The following EIF4ENIF1 variants were observed in gnomAD, a reference collection of about 807,000 sequenced individuals.
EIF4ENIF1 encodes eukaryotic translation initiation factor 4E nuclear import factor 1.
In EIF4ENIF1, 23 loss-of-function variants were observed where a neutral mutation model predicts 110.5. The ratio of observed to expected loss-of-function variants is 0.21; its 90% CI spans 0.15 to 0.29. EIF4ENIF1 has a LOEUF of 0.29. EIF4ENIF1 is among the 10% of genes least tolerant of loss of function. EIF4ENIF1 has a pLI of 1.00. For missense variants in EIF4ENIF1, 1,031 were observed against 1,221.1 expected, an observed-to-expected ratio of 0.84 and a Z score of 2.32; for synonymous variants, 440 against 437.0, an observed-to-expected ratio of 1.01 and a Z score of -0.09.
In EIF4ENIF1 at chr22:31,449,815, C is replaced by T. The variant is rs144327930; in HGVS notation, c.1585-284G>A. ...ACATGATCTCGGCTCACCACAACCT[C>T]TGCCTACCGGGTTCAAGCGATTCTC... On this transcript the variant is annotated intron_variant, in intron 11 of 18. Coordinates refer to ENST00000330125, the MANE Select transcript of EIF4ENIF1 (RefSeq NM_019843.4). Among the ~76,000 whole-genome samples, 781 of 151,588 alleles carry T rather than the reference C, an allele frequency of 5.2e-3. 4 individuals are homozygous for T. Among genetic ancestry groups the T allele is most frequent in the African/African-American group, 0.018 (740 of 41,304 alleles).
chr22:31,479,952 T>C (rs1310933349), intron 2 of EIF4ENIF1, among the ~76,000 whole-genome samples: 1 of 152,056 alleles, frequency 6.6e-6, no homozygotes, highest in Admixed American at 6.6e-5. Context: ...GCTCAAGTGA[T>C]CATCTTGCCT....
Position 31,441,994 on chromosome 22 carries a change from G to T in EIF4ENIF1, c.2331C>A (p.Tyr777Ter). The change falls in exon 17 of 19, where the codon TAC becomes TAA. Residue 777 changes from tyrosine (Y) to a stop codon, truncating the protein, a stop_gained. Transcript: ENST00000330125. LOFTEE classifies it high-confidence loss of function. Reference protein sequence around the residue: ...CSTPLSQANRYTKEQDYRPKA... With the variant: ...CSTPLSQANR ...TAGGTCGATAATCTTGTTCTTTGGT[G>T]TAACGGTTGGCCTGGGACAGTGGGG... is the stretch of plus-strand genomic sequence containing the variant. The T allele has an allele frequency of 6.2e-7, 1 of 1,614,208 alleles. No homozygotes were observed. The highest frequency in any genetic ancestry group is 1.1e-5 in the South Asian group (1 of 91,088).
At chr22:31,487,475 G>A (rs973882901) in intron 2 of EIF4ENIF1, among the ~76,000 whole-genome samples, 3 of 152,070 alleles carry the variant, frequency 2.0e-5, no homozygotes, top group African/African-American at 7.2e-5. Context: ...AGTATCCCAG[G>A]AAGCCAGGGA....
chr22:31,440,940 G>T, intron 17 of EIF4ENIF1, 72 bp from the exon 18 acceptor site: 2 of 1,571,196 alleles, frequency 1.3e-6, no homozygotes, highest in South Asian at 2.3e-5. Context: ...TCACTGTACA[G>T]TTTTGCTGAT....
At chr22:31,444,296 C>G (rs1249912782) in intron 15 of EIF4ENIF1, 2 of 279,166 alleles carry the variant, frequency 7.2e-6, no homozygotes, top group Non-Finnish European at 1.4e-5. Flanking sequence ...CCTCCTGTCT[C>G]TCACTATCGT....
intron 2 of EIF4ENIF1, among the ~76,000 whole-genome samples, chr22:31,487,977 C>A (rs2052108979): frequency 6.6e-6 from 1 of 152,036 alleles, no homozygotes; most frequent in Admixed American, 6.6e-5. Flanking sequence ...TGAGTCCTGT[C>A]AACCTCTTCA....
intron 2 of EIF4ENIF1, among the ~76,000 whole-genome samples, chr22:31,484,916 G>A (rs570162455): frequency 8.2e-4 from 125 of 152,298 alleles, no homozygotes; most frequent in African/African-American, 1.9e-3. Flanking sequence ...CATCATTAAA[G>A]TCTATTTATT....
chr22:31,480,495 C>T (rs1478093057), intron 2 of EIF4ENIF1, among the ~76,000 whole-genome samples: 2 of 152,202 alleles, frequency 1.3e-5, no homozygotes, highest in Middle Eastern at 3.2e-3. Flanking sequence ...TGGTGGCTCA[C>T]GCCTGTAATC....
intron 14 of EIF4ENIF1, among the ~76,000 whole-genome samples, chr22:31,445,457 C>T (rs1055867408): frequency 6.6e-6 from 1 of 152,108 alleles, no homozygotes; most frequent in Non-Finnish European, 1.5e-5. Context: ...CTAGTTAGTA[C>T]CCCATTGCTG....
At chr22:31,443,947 C>A (rs956128573) in intron 15 of EIF4ENIF1, among the ~76,000 whole-genome samples, 23 of 151,758 alleles carry the variant, frequency 1.5e-4, no homozygotes, top group African/African-American at 5.6e-4. Context: ...CAGATGTGCA[C>A]CACCATGCCC....
chr22:31,442,897 G>A lies in EIF4ENIF1; in HGVS notation c.2206+65C>T, dbSNP rs977603233. On this transcript the variant is annotated intron_variant, in intron 16 of 18. Transcript: ENST00000330125. ...TGTATAGAATATCAGGCTGGTCAGC[G>A]CTCAGGCCCATGTTTTCTCCATCAC... 2.9e-5 allele frequency: 46 copies of A among 1,591,268 alleles called. No homozygotes were observed. In the East Asian group the frequency reaches 3.1e-4, roughly 11 times the overall value.
intron 13 of EIF4ENIF1, among the ~76,000 whole-genome samples, chr22:31,447,949 A>T (rs553213720): frequency 2.6e-5 from 4 of 151,990 alleles, no homozygotes; most frequent in African/African-American, 9.7e-5. Flanking sequence ...ATGCCGCTAT[A>T]CCTGGCTCAT....
At chr22:31,478,513 C>G (rs1015001492) in intron 2 of EIF4ENIF1, among the ~76,000 whole-genome samples, 1 of 17,892 alleles carries the variant, frequency 5.6e-5, no homozygotes, top group African/African-American at 2.7e-4. Context: ...AAGACTCTGT[C>G]TCAAAAAAAA....
Position 31,458,623 on chromosome 22 carries a change from G to A in EIF4ENIF1, c.815C>T (p.Ala272Val), listed in dbSNP as rs1349161709. 1.2e-6 allele frequency: 2 copies of A among 1,608,378 alleles called. No individual in the cohort carries two copies. Among genetic ancestry groups the A allele is most frequent in the East Asian group, 4.5e-5 (2 of 44,728 alleles). The change falls in exon 7 of 19, where the codon GCC becomes GTC. Residue 272 changes from alanine (A) to valine (V), a missense_variant. Around this residue, in one of 3 missense-constraint regions of EIF4ENIF1, gnomAD observed 704 missense variants for 879.7 expected, o/e 0.80. Transcript: ENST00000330125. ...GATGACCTCCACTTCATCCTCTTCG[G>A]CCACTCCTCCATTGCACTCTACTAT... ...EGIVECNGGV[A>V]EEDEVEVILA...
chr22:31,445,301 GAATC>G (rs139803114), intron 14 of EIF4ENIF1, among the ~76,000 whole-genome samples: 34,307 of 151,952 alleles, frequency 0.23, 4,957 homozygotes, highest in East Asian at 0.46. Context: ...ATCAAATACA[GAATC>G]AAGAGTTTCA....
At chr22:31,443,129 C>A in intron 15 of EIF4ENIF1, 35 bp from the exon 16 acceptor site, 1 of 1,609,062 alleles carries the variant, frequency 6.2e-7, no homozygotes, top group Non-Finnish European at 8.5e-7. Context: ...AGCACATTCT[C>A]TAAGTGCCGT....
intron 1 of EIF4ENIF1, chr22:31,489,410 G>A (rs1392603343): frequency 1.3e-5 from 2 of 152,028 alleles, no homozygotes; most frequent in Non-Finnish European, 2.9e-5. Context: ...GCCGGCCGCA[G>A]GGAGGAGGGA....
chr22:31,468,448 G>C (rs577054246), intron 3 of EIF4ENIF1, 146 bp from the exon 4 acceptor site: 4 of 1,146,014 alleles, frequency 3.5e-6, no homozygotes, highest in Non-Finnish European at 3.7e-6. Flanking sequence ...AGGATGGAGC[G>C]CAGTGGCGTG....
At chr22:31,447,298 G>T in intron 14 of EIF4ENIF1, 128 bp downstream of exon 14, 1 of 1,105,328 alleles carries the variant, frequency 9.0e-7, no homozygotes. Context: ...TTTGGATTGG[G>T]ATGGAATTTC....
Sources: gnomAD v4.1 joint callset for allele counts (sites outside exome capture counted in the v4.1 genomes callset) on GRCh38, gnomAD v4.1.1 for gene constraint, gnomAD v4.1.1 regional missense constraint, MANE v1.5 for transcripts, NCBI Gene and HGNC (gene_info 2026-07-23, HGNC 2026-07-21) for gene names.